The following TTN variants were observed in gnomAD, a reference collection of about 807,000 sequenced individuals.
TTN encodes the protein connectin.
A neutral mutation model predicts 3,223.0 loss-of-function variants in TTN; 1,525 were observed. That is an observed-to-expected ratio of 0.47 (90% CI 0.45 to 0.49). TTN has a LOEUF of 0.49. TTN is among the 20% of genes least tolerant of loss of function. The pLI, the probability that TTN is intolerant of heterozygous loss-of-function variation, is 0.00. For missense variants in TTN, 40,786 were observed against 43,424.0 expected (o/e 0.94, Z 5.40); for synonymous variants, 14,094 against 15,161.0 (o/e 0.93, Z 5.17).
Position 178,768,690 on chromosome 2 carries a change from G to C in TTN, c.9146C>G (p.Ala3049Gly). The change falls in exon 38 of 363, where the codon GCC becomes GGC. Residue 3049 changes from alanine (A) to glycine (G), a missense_variant. By Grantham distance (60) the Ala-to-Gly change is moderately conservative (BLOSUM62 0). Transcript: ENST00000589042. ...TFVAGKATSTATLYVEARHIE... is the reference protein window; with the variant it reads ...TFVAGKATSTGTLYVEARHIE... ...AACCATACCTTCCACATAAAGTGTG[G>C]CTGTTGATGTTGCTTTTCCAGCCAC... 6.2e-7 allele frequency: 1 copy of C among 1,613,936 alleles called. No homozygotes were observed. Among genetic ancestry groups the C allele is most frequent in the Admixed American group, 1.7e-5 (1 of 60,006 alleles).
At position 178,545,530 on chromosome 2, in the gene TTN, G is replaced by T; in HGVS notation, c.95580C>A (p.Asp31860Glu). The change falls in exon 344 of 363, where the codon GAC becomes GAA. Residue 31860 changes from aspartate (D) to glutamate (E), a missense_variant. Physicochemically the swap from Asp to Glu is conservative, Grantham distance 45 (BLOSUM62 2). Coordinates refer to ENST00000589042, the MANE Select transcript of TTN (RefSeq NM_001267550.2). ...KSLRWTRVNKDYVVYDTRLKV... is the reference protein window; with the variant it reads ...KSLRWTRVNKEYVVYDTRLKV... ...TCAGCCTGGTATCATACACCACATA[G>T]TCTTTGTTGACACGTGTCCAGCGCA... is the stretch of plus-strand genomic sequence containing the variant. The T allele has an allele frequency of 6.2e-7, 1 of 1,613,662 alleles. No homozygotes were observed. The highest frequency in any genetic ancestry group is 8.5e-7 in the Non-Finnish European group (1 of 1,179,678).
intron 132 of TTN, 21 bp downstream of exon 132, chr2:178,684,309 A>G (rs1339173543): frequency 1.2e-6 from 2 of 1,611,412 alleles, no homozygotes; most frequent in South Asian, 2.2e-5. Flanking sequence ...AATATTGTGC[A>G]TAATGGAAGG....
intron 129 of TTN, 124 bp from the exon 130 acceptor site, chr2:178,685,113 G>T: frequency 8.8e-7 from 1 of 1,133,708 alleles, no homozygotes; most frequent in Non-Finnish European, 1.3e-6. Context: ...ACTATACTCA[G>T]TAAATACGTT....
chr2:178,785,984 T>C lies in TTN; in HGVS notation c.2234A>G (p.Lys745Arg). ...TGGACGTTGGGGAGGCTCAGCTACC[T>C]TTGCGGCGGAAATGCGTTCCTTATA... ...YGYKERISAA[K>R]VAEPPQRPAS... Residue 745 changes from lysine (K) to arginine (R), a missense_variant, in exon 14 of 363, where the codon AAG (lysine) becomes AGG (arginine). By Grantham distance (26) the Lys-to-Arg change is conservative. Coordinates refer to ENST00000589042, the MANE Select transcript of TTN (RefSeq NM_001267550.2). 1 of 1,614,126 alleles carries C rather than the reference T, an allele frequency of 6.2e-7. No homozygotes were observed. Among genetic ancestry groups the C allele is most frequent in the Non-Finnish European group, 8.5e-7 (1 of 1,179,990 alleles).
Position 178,722,902 on chromosome 2 carries a change from C to G in TTN, c.21997G>C (p.Glu7333Gln). 1 of 1,612,614 alleles carries G rather than the reference C, an allele frequency of 6.2e-7. No individual in the cohort carries two copies. Among genetic ancestry groups the G allele is most frequent in the East Asian group, 2.2e-5 (1 of 44,754 alleles). The change falls in exon 76 of 363, where the codon GAG becomes CAG. Residue 7333 changes from glutamate (E) to glutamine (Q), a missense_variant. Glu to Gln is a conservative substitution (Grantham distance 29, BLOSUM62 2). Transcript: ENST00000589042. ...PYFVTELEPL[E>Q]AAVGDSVSLQ... The stretch of plus-strand genomic sequence containing the variant: ...GAAACCGAATCTCCAACTGCTGCCT[C>G]CAGAGGTTCCAGTTCCGTAACAAAA...
chr2:178,602,172 A>G, intron 283 of TTN, 22 bp from the exon 284 acceptor site: 1 of 1,595,274 alleles, frequency 6.3e-7, no homozygotes, highest in Non-Finnish European at 8.5e-7. Flanking sequence ...CATACAATTT[A>G]ACAGGATTTA....
chr2:178,757,623 GCT>G lies in TTN; in HGVS notation c.10595_10596del (p.Glu3532AlafsTer12). ...GCTTTGCAAGAGTACTGCCCAGCAT[GCT>G]CTGAGTAAGCATCAACTATAAGCAT... is the stretch of plus-strand genomic sequence containing the variant. The part of the protein sequence containing the change: ...ALMLIVDAYS[E>X]HAGQYSCKAA... On this transcript the variant is annotated frameshift_variant, in exon 45 of 363. Coordinates refer to ENST00000589042, the MANE Select transcript of TTN (RefSeq NM_001267550.2). LOFTEE classifies it high-confidence loss of function. The G allele has an allele frequency of 6.2e-7, 1 of 1,613,614 alleles. No individual in the cohort carries two copies. Among genetic ancestry groups the G allele is most frequent in the South Asian group, 1.1e-5 (1 of 91,030 alleles).
In TTN at chr2:178,537,551, A is replaced by G. The variant is rs1692183695; in HGVS notation, c.99656T>C (p.Met33219Thr). 1.7e-5 allele frequency: 28 copies of G among 1,613,688 alleles called. No homozygotes were observed. The East Asian group carries it at 6.0e-4, about 35-fold the overall frequency. ...AVGSTLRLHVMYIGRPVPAMT... is the reference protein window; with the variant it reads ...AVGSTLRLHVTYIGRPVPAMT... ...GGCAGGTACTGGACGACCAATGTAC[A>G]TAACATGAAGCCGAAGTGTGGAACC... Residue 33219 changes from methionine to threonine, a missense_variant, in exon 355 of 363, where the codon ATG (methionine) becomes ACG (threonine). Met to Thr is a moderately conservative substitution (Grantham distance 81). Transcript: ENST00000589042.
Position 178,694,852 on chromosome 2 carries a change from TC to T in TTN, c.31324del (p.Glu10442LysfsTer33). The T allele has an allele frequency of 6.4e-7, 1 of 1,559,854 alleles. No individual in the cohort carries two copies. Among genetic ancestry groups the T allele is most frequent in the Non-Finnish European group, 8.7e-7 (1 of 1,150,130 alleles). Reference protein sequence around the residue: ...KIEKTSRRMEEEKVQVTKVPE... With the variant: ...KIEKTSRRMEXEKVQVTKVPE... The stretch of plus-strand genomic sequence containing the variant: ...ACCTTTGGTGACTTGAACTTTTTCT[TC>T]CTCCATTCTTCGAGAAGTCTTTTCA... On this transcript the variant is annotated frameshift_variant, in exon 116 of 363. Transcript: ENST00000589042. LOFTEE classifies it high-confidence loss of function.
chr2:178,545,424 C>A lies in TTN; in HGVS notation c.95686G>T (p.Glu31896Ter). The A allele has an allele frequency of 6.3e-7, 1 of 1,598,564 alleles. No homozygotes were observed. Among genetic ancestry groups the A allele is most frequent in the Non-Finnish European group, 8.6e-7 (1 of 1,169,308 alleles). ...CTGCATGAGATGAAGTTGGAAGCTTCGCTGGGCTCACTGTTACCAGCTGCA... is the reference window on the plus strand; with the variant it reads ...CTGCATGAGATGAAGTTGGAAGCTTAGCTGGGCTCACTGTTACCAGCTGCA... Reference protein sequence around the residue: ...VNAAGNSEPSEASNFISCREP... With the variant: ...VNAAGNSEPS The change falls in exon 344 of 363, where the codon GAA (glutamate) becomes TAA (stop). Residue 31896 changes from glutamate to a stop codon, truncating the protein, a stop_gained. Coordinates refer to ENST00000589042, the MANE Select transcript of TTN (RefSeq NM_001267550.2). LOFTEE classifies it high-confidence loss of function.
rs72648981 is a variant in TTN, at chr2:178,718,186, C to T, written c.24820G>A (p.Glu8274Lys). ...PYFIEPLEHVEAVIGEPATLQ... is the reference protein window; with the variant it reads ...PYFIEPLEHVKAVIGEPATLQ... ...GTTGCAGGTTCTCCAATGACTGCTT[C>T]CACATGTTCCAGAGGTTCAATAAAG... Residue 8274 changes from glutamate (E) to lysine (K), a missense_variant, in exon 86 of 363, where the codon GAA becomes AAA. Physicochemically the swap from Glu to Lys is moderately conservative, Grantham distance 56 (BLOSUM62 1). Transcript: ENST00000589042. The T allele has an allele frequency of 3.0e-3, 4,780 of 1,604,162 alleles. 10 individuals are homozygous for T. Among genetic ancestry groups the T allele is most frequent in the Non-Finnish European group, 3.7e-3 (4,350 of 1,178,818 alleles).
At chr2:178,633,092 G>A (rs1192562064) in intron 233 of TTN, 48 bp from the exon 234 acceptor site, 1 of 1,602,876 alleles carries the variant, frequency 6.2e-7, no homozygotes, top group Non-Finnish European at 8.5e-7. Context: ...CATTTATATA[G>A]TTATTCCTAC....
intron 250 of TTN, 187 bp from the exon 251 acceptor site, chr2:178,619,040 T>C: frequency 2.6e-6 from 2 of 762,774 alleles, no homozygotes; most frequent in Admixed American, 6.4e-5. Context: ...TGCGTGCAAA[T>C]TAGATTGGAG....
rs199629314 is a variant in TTN at position 178,563,635 on chromosome 2, G to A, written c.82497C>T (p.Thr27499=). Residue 27499 remains threonine, a synonymous_variant, in exon 326 of 363, where the codon ACC becomes ACT. Transcript: ENST00000589042. The surrounding 1 kb of genome is among the most constrained non-coding windows in gnomAD (Gnocchi z 4.5). The stretch of plus-strand genomic sequence containing the variant: ...TTTCAAGAATGTAGCCCTCAATTTC[G>A]GTACCTCCGTCGTCTACTGGGCGTG... ...TWARPVDDGG[T]EIEGYILEKR... The A allele has an allele frequency of 1.6e-3, 2,613 of 1,613,594 alleles. 58 individuals are homozygous for A. In the South Asian group the frequency reaches 0.026, roughly 16 times the overall value.
chr2:178,769,913 T>C lies in TTN; in HGVS notation c.8668A>G (p.Asn2890Asp), dbSNP rs767589357. 11 of 1,614,094 alleles carry C rather than the reference T, an allele frequency of 6.8e-6. No individual in the cohort carries two copies. The highest frequency in any genetic ancestry group is 9.3e-6 in the Non-Finnish European group (11 of 1,180,008). The stretch of plus-strand genomic sequence containing the variant: ...GTTTTGGTCTCAGGCACCTCGATAT[T>C]TTTCATGGTTTTTGTAATATGTAAT... ...ETLHITKTMK[N>D]IEVPETKTAS... is the part of the protein sequence containing the mutation. Residue 2890 changes from asparagine (N) to aspartate (D), a missense_variant, in exon 37 of 363, where the codon AAT (asparagine) becomes GAT (aspartate). By Grantham distance (23) the Asn-to-Asp change is conservative (BLOSUM62 1). Transcript: ENST00000589042.
At position 178,608,769 on chromosome 2, in the gene TTN, G is replaced by C. The variant is rs765216874; in HGVS notation, c.52242C>G (p.Pro17414=). The C allele has an allele frequency of 6.2e-7, 1 of 1,612,528 alleles. No homozygotes were observed. The highest frequency in any genetic ancestry group is 2.2e-5 in the East Asian group (1 of 44,586). The change falls in exon 274 of 363, where the codon CCC becomes CCG. Residue 17414 remains proline, a synonymous_variant. Coordinates refer to ENST00000589042, the MANE Select transcript of TTN (RefSeq NM_001267550.2). ...YTLEKKDKTK[P]DSEWIVVTST... ...AAGTGACAACAATCCATTCTGAGTC[G>C]GGTTTTGTCTTGTCTTTCTTTTCCA...
Position 178,570,409 on chromosome 2 carries a change from A to G in TTN, c.75723T>C (p.Ile25241=). Residue 25241 remains isoleucine (I), a synonymous_variant, in exon 326 of 363, where the codon ATT becomes ATC. Coordinates refer to ENST00000589042, the MANE Select transcript of TTN (RefSeq NM_001267550.2). ...QDGGSDIINY[I]VERRETSRLV... ...AGCGGCTGGTTTCTCTCCTTTCCAC[A>G]ATATAATTTATGATGTCACTCCCAC... 1.2e-6 allele frequency: 2 copies of G among 1,613,154 alleles called. No individual in the cohort carries two copies.
At chr2:178,595,957 T>C in intron 294 of TTN, 148 bp from the exon 295 acceptor site, 1 of 685,660 alleles carries the variant, frequency 1.5e-6, no homozygotes. Context: ...CCTTCTGCTA[T>C]CTAGTCAATA....
chr2:178,585,677 G>T (rs1012294333), intron 308 of TTN, among the ~76,000 whole-genome samples: 1 of 152,054 alleles, frequency 6.6e-6, no homozygotes. Context: ...CCACTTATGA[G>T]TGAGAACATG....
Sources: allele counts gnomAD v4.1 joint callset (sites outside exome capture counted in the v4.1 genomes callset), GRCh38; gene constraint gnomAD v4.1.1; non-coding constraint Gnocchi (gnomAD v3.1); transcripts MANE v1.5; gene names NCBI Gene and HGNC (gene_info 2026-07-23, HGNC 2026-07-21).